HUNK: variants seen among roughly 807,000 people sequenced by gnomAD.
The protein encoded by HUNK is hormonally up-regulated Neu-associated kinase.
In HUNK, 21 loss-of-function variants were observed where a neutral mutation model predicts 61.0. That is an observed-to-expected ratio of 0.34 (90% CI 0.24 to 0.50). The LOEUF (loss-of-function observed/expected upper bound fraction) is 0.50, where lower values mean the gene tolerates loss of function less well. Ranked by LOEUF, HUNK falls within the 20% of genes least tolerant of loss-of-function variation. The probability of loss-of-function intolerance (pLI) is 0.98; values close to 1 mark genes in which losing one functional copy is unlikely to be tolerated. For missense variants in HUNK, 772 were observed against 945.7 expected (o/e 0.82, Z 2.41); for synonymous variants, 371 against 386.1 (o/e 0.96, Z 0.46).
At chr21:31,979,804 C>T (rs1321974371) in intron 7 of HUNK, among the ~76,000 whole-genome samples, 2 of 152,128 alleles carry the variant, frequency 1.3e-5, no homozygotes, top group East Asian at 1.9e-4. Flanking sequence ...CATAAGCCAC[C>T]ACGCCCAGCT....
intron 2 of HUNK, among the ~76,000 whole-genome samples, chr21:31,937,844 A>C (rs1378015541): frequency 6.6e-6 from 1 of 152,226 alleles, no homozygotes; most frequent in Non-Finnish European, 1.5e-5. Flanking sequence ...AAAAGCGAGG[A>C]TATCACTGTA....
rs537952760 is a variant in HUNK at position 31,978,094 on chromosome 21, G to A, written c.1173+3377G>A. Among the ~76,000 whole-genome samples, 5 of 152,340 alleles carry A rather than the reference G, an allele frequency of 3.3e-5. 1 individual carries two copies. In the South Asian group the frequency reaches 1.0e-3, roughly 32 times the overall value. ...GCCCAGCATCCAGGCTGCAAGTGTT[G>A]CAAAGCAGAGTGTGGCTTTGTCATC... On this transcript the variant is annotated intron_variant, in intron 7 of 10. Coordinates refer to ENST00000270112, the MANE Select transcript of HUNK (RefSeq NM_014586.2).
intron 5 of HUNK, among the ~76,000 whole-genome samples, chr21:31,961,296 C>T (rs994847929): frequency 6.6e-6 from 1 of 152,016 alleles, no homozygotes. Context: ...TCACCATTTA[C>T]CCACTGAAGG....
chr21:31,984,090 G>A (rs1170805444), intron 8 of HUNK, among the ~76,000 whole-genome samples: 3 of 152,216 alleles, frequency 2.0e-5, no homozygotes, highest in Admixed American at 6.5e-5. Context: ...ATGGCAGGGG[G>A]AAGGGAGGGT....
At chr21:31,990,279 G>C in intron 9 of HUNK, 103 bp downstream of exon 9, 1 of 1,133,874 alleles carries the variant, frequency 8.8e-7, no homozygotes, top group East Asian at 2.4e-5. Flanking sequence ...TTATTTTAAG[G>C]AGTTGGCTCA....
At chr21:31,894,351 A>T (rs1198327358) in intron 1 of HUNK, among the ~76,000 whole-genome samples, 1 of 152,082 alleles carries the variant, frequency 6.6e-6, no homozygotes, top group East Asian at 1.9e-4. Context: ...TTTTCGTAAA[A>T]TCCATTTTTA....
intron 6 of HUNK, 109 bp downstream of exon 6, chr21:31,968,494 C>G (rs1016790803): frequency 1.5e-6 from 2 of 1,304,250 alleles, no homozygotes; most frequent in African/African-American, 1.5e-5. Flanking sequence ...AAGCCGCGCT[C>G]TCTCTTGGCT....
chr21:31,937,153 G>A (rs962179387), intron 2 of HUNK, among the ~76,000 whole-genome samples: 2 of 152,182 alleles, frequency 1.3e-5, no homozygotes, highest in African/African-American at 2.4e-5. Context: ...TACATCTTCA[G>A]TATCTTCAGA....
chr21:31,881,824 G>A (rs940765907), intron 1 of HUNK, among the ~76,000 whole-genome samples: 5 of 152,294 alleles, frequency 3.3e-5, no homozygotes, highest in East Asian at 1.9e-4. Context: ...AGCAGCCGGC[G>A]TGGCATCTCA....
At chr21:31,928,413 T>C (rs1274281776) in intron 2 of HUNK, among the ~76,000 whole-genome samples, 1 of 152,224 alleles carries the variant, frequency 6.6e-6, no homozygotes, top group Non-Finnish European at 1.5e-5. Context: ...GCGCAATTAC[T>C]GTCAGAATGT....
intron 9 of HUNK, among the ~76,000 whole-genome samples, chr21:31,991,470 C>T (rs35534985): frequency 0.097 from 14,816 of 152,220 alleles, 965 homozygotes; most frequent in Non-Finnish European, 0.15. Context: ...CTGCCTGCCT[C>T]GGCCTCCCAA....
chr21:31,900,768 G>C (rs923313842), intron 1 of HUNK, among the ~76,000 whole-genome samples: 1 of 152,194 alleles, frequency 6.6e-6, no homozygotes, highest in Non-Finnish European at 1.5e-5. Context: ...ACACGGAGTG[G>C]TTGGGAAGAA....
intron 6 of HUNK, among the ~76,000 whole-genome samples, chr21:31,969,411 C>T (rs2052994495): frequency 6.6e-6 from 1 of 152,118 alleles, no homozygotes; most frequent in Non-Finnish European, 1.5e-5. Flanking sequence ...ATGAACTTTC[C>T]GTGAAGGCTT....
intron 1 of HUNK, among the ~76,000 whole-genome samples, chr21:31,897,853 C>T: frequency 6.6e-6 from 1 of 152,140 alleles, no homozygotes; most frequent in Admixed American, 6.5e-5. Context: ...CTGCCTGGAC[C>T]TTCTAGGTAG....
chr21:31,993,710 G>A (rs924354059), intron 9 of HUNK, among the ~76,000 whole-genome samples: 47 of 152,168 alleles, frequency 3.1e-4, no homozygotes. Flanking sequence ...CTTGGAGAAG[G>A]TGGCCTGTTG....
chr21:31,899,070 AAACTCATTC>A (rs2052445253), intron 1 of HUNK, among the ~76,000 whole-genome samples: 1 of 152,022 alleles, frequency 6.6e-6, no homozygotes, highest in African/African-American at 2.4e-5. Context: ...AAAAGGGGAA[AAACTCATTC>A]TGCACTTGGT....
intron 3 of HUNK, among the ~76,000 whole-genome samples, chr21:31,943,975 C>T (rs2052785619): frequency 6.6e-6 from 1 of 152,256 alleles, no homozygotes; most frequent in South Asian, 2.1e-4. Flanking sequence ...ACAGTAGGTG[C>T]TCCTCACACA....
intron 1 of HUNK, among the ~76,000 whole-genome samples, chr21:31,897,005 G>A (rs947215933): frequency 6.6e-6 from 1 of 152,188 alleles, no homozygotes; most frequent in East Asian, 1.9e-4. Flanking sequence ...AGCACTTTGG[G>A]AGGCCAAGGC....
intron 1 of HUNK, among the ~76,000 whole-genome samples, chr21:31,892,537 T>C (rs1292611406): frequency 6.9e-6 from 1 of 145,448 alleles, no homozygotes; most frequent in African/African-American, 2.6e-5. Flanking sequence ...GCCACTGCTC[T>C]TTAACCTGGG....
Sources: gnomAD v4.1 joint callset for allele counts (sites outside exome capture counted in the v4.1 genomes callset) on GRCh38, gnomAD v4.1.1 for gene constraint, MANE v1.5 for transcripts, NCBI Gene and HGNC (gene_info 2026-07-23, HGNC 2026-07-21) for gene names.